ASTN2: variants seen among roughly 807,000 people sequenced by gnomAD.
The protein encoded by ASTN2 is astrotactin 2.
In ASTN2, 54 loss-of-function variants were observed where a neutral mutation model predicts 139.8. That is an observed-to-expected ratio of 0.39 (90% CI 0.31 to 0.48). The LOEUF is 0.48. Among genes scored for constraint, ASTN2 ranks in the 20% least tolerant of loss-of-function variants. The probability of loss-of-function intolerance (pLI) is 0.95; values close to 1 mark genes in which losing one functional copy is unlikely to be tolerated. For missense variants in ASTN2, 1,565 were observed against 1,725.1 expected, an observed-to-expected ratio of 0.91 and a Z score of 1.64; for synonymous variants, 756 against 719.5, an observed-to-expected ratio of 1.05 and a Z score of -0.81.
intron 5 of ASTN2, among the ~76,000 whole-genome samples, chr9:117,075,934 C>T (rs1273613056): frequency 6.6e-6 from 1 of 152,142 alleles, no homozygotes; most frequent in Non-Finnish European, 1.5e-5. Flanking sequence ...AGAGGTTCCT[C>T]CAGTCTCCTG....
intron 5 of ASTN2, among the ~76,000 whole-genome samples, chr9:117,071,193 T>C (rs890783293): frequency 6.6e-6 from 1 of 151,698 alleles, no homozygotes; most frequent in Non-Finnish European, 1.5e-5. Flanking sequence ...GTTTTTGGTG[T>C]GGATGTCCTT....
chr9:116,984,640 G>A (rs951025056), intron 7 of ASTN2, among the ~76,000 whole-genome samples: 1 of 152,160 alleles, frequency 6.6e-6, no homozygotes, highest in African/African-American at 2.4e-5. Context: ...AAAGTAAGAG[G>A]GAGAGGAGAA....
At chr9:117,391,832 A>G (rs901914373) in intron 1 of ASTN2, among the ~76,000 whole-genome samples, 1 of 152,208 alleles carries the variant, frequency 6.6e-6, no homozygotes. Flanking sequence ...TCCTAGATAC[A>G]ATAGGGGCAC....
intron 6 of ASTN2, among the ~76,000 whole-genome samples, chr9:117,020,671 T>C (rs1293029856): frequency 6.6e-6 from 1 of 152,146 alleles, no homozygotes; most frequent in Non-Finnish European, 1.5e-5. Flanking sequence ...GGAGTCAGCA[T>C]GTGGCAAGAT....
chr9:117,090,583 G>A (rs538823916), intron 5 of ASTN2, among the ~76,000 whole-genome samples: 2 of 152,348 alleles, frequency 1.3e-5, no homozygotes, highest in Non-Finnish European at 2.9e-5. Context: ...AGCTCAGAAT[G>A]TTTTGAAGGG....
chr9:117,177,249 T>C (rs1830939666), intron 3 of ASTN2, among the ~76,000 whole-genome samples: 1 of 152,226 alleles, frequency 6.6e-6, no homozygotes, highest in African/African-American at 2.4e-5. Flanking sequence ...AAACAGTTTA[T>C]GCTCTGTAAC....
chr9:117,108,273 G>A lies in ASTN2; in HGVS notation c.1169-12122C>T, dbSNP rs1475809787. ...TCTTTAAGACACTGACATTCATGTTGGAATAAAACTTGACAGCTAATGGGC... is the reference window on the plus strand; with the variant it reads ...TCTTTAAGACACTGACATTCATGTTAGAATAAAACTTGACAGCTAATGGGC... On this transcript the variant is annotated intron_variant, in intron 4 of 22. Coordinates refer to ENST00000313400, the MANE Select transcript of ASTN2 (RefSeq NM_001365068.1). Among the ~76,000 whole-genome samples, 3 of 152,178 alleles carry A rather than the reference G, an allele frequency of 2.0e-5. No homozygotes were observed. In the East Asian group the frequency reaches 5.8e-4, roughly 29 times the overall value.
At chr9:117,345,429 G>C (rs1829185425) in intron 1 of ASTN2, among the ~76,000 whole-genome samples, 1 of 152,112 alleles carries the variant, frequency 6.6e-6, no homozygotes, top group South Asian at 2.1e-4. Flanking sequence ...GACTCTAAGT[G>C]CTTCAGACAT....
intron 19 of ASTN2, among the ~76,000 whole-genome samples, chr9:116,530,447 T>C (rs1352496820): frequency 3.3e-5 from 5 of 151,834 alleles, no homozygotes; most frequent in African/African-American, 7.3e-5. Flanking sequence ...TAATAATATA[T>C]TGTATGCTTG....
In ASTN2 at chr9:116,642,132, C is replaced by CCAAAA. The variant is rs1554724602; in HGVS notation, c.3072+9395_3072+9396insTTTTG. Among the ~76,000 whole-genome samples, 428 of 48,930 alleles carry CCAAAA rather than the reference C, an allele frequency of 8.7e-3. 5 individuals carry two copies. Among genetic ancestry groups the CCAAAA allele is most frequent in the Middle Eastern group, 0.017 (1 of 58 alleles). The allele number at this position is 48,930 out of a possible 152,430, so 32.1% of individuals were successfully genotyped here. On this transcript the variant is annotated intron_variant, in intron 17 of 22. Coordinates refer to ENST00000313400, the MANE Select transcript of ASTN2 (RefSeq NM_001365068.1). Reference sequence around the variant, plus strand: ...TGGGAAAATGAAGGCTCCCAACCCACAAAAAAAAAAAAACAAAAAAAAACA... The same window carrying CCAAAA: ...TGGGAAAATGAAGGCTCCCAACCCACCAAAAAAAAAAAAAAAAACAAAAAAAAACA...
At chr9:116,506,647 A>T (rs1358981461) in intron 19 of ASTN2, among the ~76,000 whole-genome samples, 1 of 152,126 alleles carries the variant, frequency 6.6e-6, no homozygotes, top group African/African-American at 2.4e-5. Context: ...ATGTGGGAGG[A>T]GGGCAGGAAG....
intron 5 of ASTN2, among the ~76,000 whole-genome samples, chr9:117,069,258 C>T (rs1274210196): frequency 2.0e-5 from 2 of 102,472 alleles, no homozygotes; most frequent in African/African-American, 4.4e-5. Context: ...GCCTTCATTT[C>T]GTTATGTACC....
At chr9:117,199,236 G>A (rs933127425) in intron 3 of ASTN2, among the ~76,000 whole-genome samples, 1 of 152,118 alleles carries the variant, frequency 6.6e-6, no homozygotes, top group East Asian at 1.9e-4. Context: ...TACTGTCTAG[G>A]TTTTCTTCTA....
At chr9:116,492,296 G>C (rs1849540742) in intron 19 of ASTN2, among the ~76,000 whole-genome samples, 1 of 152,002 alleles carries the variant, frequency 6.6e-6, no homozygotes, top group South Asian at 2.1e-4. Context: ...TGGCCATTCT[G>C]GTCTTGAACT....
At chr9:117,267,955 G>C (rs1232060172) in intron 2 of ASTN2, among the ~76,000 whole-genome samples, 1 of 152,170 alleles carries the variant, frequency 6.6e-6, no homozygotes, top group Non-Finnish European at 1.5e-5. Flanking sequence ...TACATATCAG[G>C]TGTCTATGTG....
intron 19 of ASTN2, among the ~76,000 whole-genome samples, chr9:116,599,229 A>G (rs888175467): frequency 3.3e-5 from 5 of 152,128 alleles, no homozygotes; most frequent in Non-Finnish European, 4.4e-5. Flanking sequence ...AGAACTCACT[A>G]TTTTCCAGCA....
Position 117,214,426 on chromosome 9 carries a change from C to T in ASTN2, c.947G>A (p.Ser316Asn), listed in dbSNP as rs754033577. ...ACTGTCCAGAGTGTGGGTCACCTGG[C>T]TGCCAAACTCGTCCTCGCGGGAGAC... is the stretch of plus-strand genomic sequence containing the variant. ...NHVSREDEFG[S>N]QVTHTLDSLG... Residue 316 changes from serine to asparagine, a missense_variant, in exon 3 of 23, where the codon AGC (serine) becomes AAC (asparagine). By Grantham distance (46) the Ser-to-Asn change is conservative (BLOSUM62 1). Coordinates refer to ENST00000313400, the MANE Select transcript of ASTN2 (RefSeq NM_001365068.1). 6 of 1,613,968 alleles carry T rather than the reference C, an allele frequency of 3.7e-6. No individual in the cohort carries two copies. The African/African-American group carries it at 6.7e-5, about 18-fold the overall frequency.
At chr9:116,780,577 G>A (rs1363763672) in intron 13 of ASTN2, among the ~76,000 whole-genome samples, 5 of 152,114 alleles carry the variant, frequency 3.3e-5, no homozygotes, top group Admixed American at 6.5e-5. Flanking sequence ...GTCCTTCCAG[G>A]GGAGAAGAGA....
At chr9:117,129,024 C>G (rs1829768861) in intron 4 of ASTN2, among the ~76,000 whole-genome samples, 1 of 151,986 alleles carries the variant, frequency 6.6e-6, no homozygotes, top group South Asian at 2.1e-4. Context: ...CACGGGAGTA[C>G]AATTCAAGAT....
Sources: gnomAD v4.1 joint callset for allele counts (sites outside exome capture counted in the v4.1 genomes callset) on GRCh38, gnomAD v4.1.1 for gene constraint, MANE v1.5 for transcripts, NCBI Gene and HGNC (gene_info 2026-07-23, HGNC 2026-07-21) for gene names.